Variants in FLT1 observed in about 807,000 individuals in gnomAD.
FLT1 encodes the protein fms related receptor tyrosine kinase 1, also known as vascular endothelial growth factor receptor 1.
Under a neutral mutation model 156.3 loss-of-function variants are expected in FLT1, and 49 were observed. The observed-to-expected ratio is 0.31, with a 90% CI of 0.25 to 0.40. The LOEUF (loss-of-function observed/expected upper bound fraction) is 0.40, where lower values mean the gene tolerates loss of function less well. Ranked by LOEUF, FLT1 falls within the 10% of genes least tolerant of loss-of-function variation. The pLI is 1.00. For synonymous variants in FLT1, 594 were observed against 583.8 expected, an observed-to-expected ratio of 1.02 and a Z score of -0.25; for missense variants, 1,322 against 1,637.2, an observed-to-expected ratio of 0.81 and a Z score of 3.32.
intron 13 of FLT1, chr13:28,387,381 T>G: frequency 9.5e-7 from 1 of 1,052,378 alleles, no homozygotes; most frequent in African/African-American, 1.7e-5. Context: ...TTTTGACATT[T>G]TGAATAAGGG....
chr13:28,401,417 T>C (rs1371277978), intron 11 of FLT1, among the ~76,000 whole-genome samples: 1 of 152,182 alleles, frequency 6.6e-6, no homozygotes, highest in African/African-American at 2.4e-5. Flanking sequence ...CAGCAAGTAC[T>C]GTAAGTTTGG....
At chr13:28,428,599 T>TG (rs1396319826) in intron 8 of FLT1, among the ~76,000 whole-genome samples, 1 of 152,208 alleles carries the variant, frequency 6.6e-6, no homozygotes, top group Non-Finnish European at 1.5e-5. Context: ...GTGCTTGACC[T>TG]GGCTCTGCTA....
At chr13:28,441,272 G>A (rs1216118553) in intron 3 of FLT1, among the ~76,000 whole-genome samples, 1 of 152,184 alleles carries the variant, frequency 6.6e-6, no homozygotes, top group African/African-American at 2.4e-5. Flanking sequence ...CACTGTGCAT[G>A]TGGACAGCCC....
rs1880779759 is a variant in FLT1 at position 28,480,614 on chromosome 13, CT to C, written c.65-12998del. ...CTTTCTCCTTCAAAGACTTCCACAT[CT>C]TTCCACCCTCTAAGCTTCATCTTTC... On this transcript the variant is annotated intron_variant, in intron 1 of 29. Coordinates refer to ENST00000282397, the MANE Select transcript of FLT1 (RefSeq NM_002019.4). 3.3e-5 allele frequency among the ~76,000 whole-genome samples: 5 copies of C among 152,280 alleles called. No individual in the cohort carries two copies. The South Asian group carries it at 1.0e-3, about 32-fold the overall frequency.
chr13:28,303,426 A>G (rs1870598986), intron 29 of FLT1, 58 bp from the exon 30 acceptor site: 12 of 1,494,602 alleles, frequency 8.0e-6, no homozygotes, highest in Non-Finnish European at 1.1e-5. Flanking sequence ...GAAAACAAAG[A>G]CACTAAAATC....
chr13:28,418,709 G>T (rs574800591), intron 10 of FLT1, among the ~76,000 whole-genome samples: 3 of 152,050 alleles, frequency 2.0e-5, no homozygotes, highest in African/African-American at 7.2e-5. Flanking sequence ...AACCATAGGC[G>T]CATGTCACCA....
At chr13:28,319,785 T>C (rs1198329768) in intron 23 of FLT1, among the ~76,000 whole-genome samples, 1 of 152,184 alleles carries the variant, frequency 6.6e-6, no homozygotes, top group East Asian at 1.9e-4. Flanking sequence ...AGCATGTCCT[T>C]ATCTGCATAG....
chr13:28,411,246 A>C (rs1876152213), intron 10 of FLT1, among the ~76,000 whole-genome samples: 1 of 151,656 alleles, frequency 6.6e-6, no homozygotes, highest in Admixed American at 6.6e-5. Flanking sequence ...TGGCTGATAC[A>C]TTTTATCATT....
intron 29 of FLT1, among the ~76,000 whole-genome samples, chr13:28,303,895 C>T (rs541701256): frequency 6.6e-6 from 1 of 152,206 alleles, no homozygotes; most frequent in East Asian, 1.9e-4. Context: ...GCCTGTCGTG[C>T]CTGTGTTCTA....
At chr13:28,368,932 T>C (rs1212256990) in intron 14 of FLT1, among the ~76,000 whole-genome samples, 3 of 151,918 alleles carry the variant, frequency 2.0e-5, no homozygotes. Context: ...CTCCAACTCC[T>C]GACCTCAGGT....
intron 14 of FLT1, chr13:28,368,482 C>T (rs1873393509): frequency 1.3e-6 from 2 of 1,514,826 alleles, no homozygotes; most frequent in Admixed American, 2.0e-5. Context: ...TCTTGGCTCT[C>T]CAACTAAAGG....
chr13:28,489,365 T>C (rs1260992256), intron 1 of FLT1, among the ~76,000 whole-genome samples: 1 of 152,236 alleles, frequency 6.6e-6, no homozygotes, highest in Non-Finnish European at 1.5e-5. Flanking sequence ...CGAGAGTCTC[T>C]GTACTAGGCT....
rs779245420 is a variant in FLT1 at position 28,493,403 on chromosome 13, T to C, written c.64+1377A>G. 4.5e-4 allele frequency among the ~76,000 whole-genome samples: 69 copies of C among 152,234 alleles called. 4 individuals are homozygous for C. The highest frequency in any genetic ancestry group is 4.1e-4 in the South Asian group (2 of 4,828). On this transcript the variant is annotated intron_variant, in intron 1 of 29. Transcript: ENST00000282397. ...CACTTCGCCCTGTCTCCGGGTTTAG[T>C]AGTTTCTCCAATCTAATTGGAACTA...
At chr13:28,463,864 AT>A (rs1011400042) in intron 3 of FLT1, among the ~76,000 whole-genome samples, 24 of 152,214 alleles carry the variant, frequency 1.6e-4, no homozygotes, top group African/African-American at 5.8e-4. Context: ...TGATTGTTTA[AT>A]GGATTATATC....
At chr13:28,366,719 C>T (rs530188388) in intron 14 of FLT1, among the ~76,000 whole-genome samples, 2 of 152,264 alleles carry the variant, frequency 1.3e-5, no homozygotes, top group East Asian at 3.9e-4. Context: ...AATCCACCTG[C>T]CTGGGCCTCC....
At chr13:28,490,216 G>A (rs1234702966) in intron 1 of FLT1, among the ~76,000 whole-genome samples, 1 of 152,168 alleles carries the variant, frequency 6.6e-6, no homozygotes, top group Non-Finnish European at 1.5e-5. Flanking sequence ...TACAACGTGT[G>A]TGTGTATCTG....
In FLT1 at chr13:28,389,809, T is replaced by G; in HGVS notation, c.1956A>C (p.Glu652Asp). The change falls in exon 13 of 30, where the codon GAA (glutamate) becomes GAC (aspartate). Residue 652 changes from glutamate to aspartate, a missense_variant. Transcript: ENST00000282397. Reference sequence around the variant, plus strand: ...TGCAGTGCTCACCTCTGATTGTAATTTCTTTCTTCTGGAGGATTTCTTCCC... The same window carrying G: ...TGCAGTGCTCACCTCTGATTGTAATGTCTTTCTTCTGGAGGATTTCTTCCC... Reference protein sequence around the residue: ...YTGEEILQKKEITIRDQEAPY... With the variant: ...YTGEEILQKKDITIRDQEAPY... 1 of 1,614,200 alleles carries G rather than the reference T, an allele frequency of 6.2e-7. No individual in the cohort carries two copies. The highest frequency in any genetic ancestry group is 8.5e-7 in the Non-Finnish European group (1 of 1,180,034).
At chr13:28,339,563 C>T (rs1013503918) in intron 16 of FLT1, among the ~76,000 whole-genome samples, 1 of 152,182 alleles carries the variant, frequency 6.6e-6, no homozygotes, top group Non-Finnish European at 1.5e-5. Flanking sequence ...TCAAATTCTC[C>T]AGTGACCTTA....
chr13:28,475,980 G>A (rs935306351), intron 1 of FLT1, among the ~76,000 whole-genome samples: 25 of 152,150 alleles, frequency 1.6e-4, no homozygotes, highest in South Asian at 6.2e-4. Flanking sequence ...ATGGGGATTC[G>A]TATGAACTGA....
Sources: gnomAD v4.1 joint callset for allele counts (sites outside exome capture counted in the v4.1 genomes callset) on GRCh38, gnomAD v4.1.1 for gene constraint, MANE v1.5 for transcripts, NCBI Gene and HGNC (gene_info 2026-07-23, HGNC 2026-07-21) for gene names.